The following PLEKHG3 variants were observed in gnomAD, a reference collection of about 807,000 sequenced individuals.
PLEKHG3 encodes the protein pleckstrin homology and RhoGEF domain containing G3, also known as pleckstrin homology domain-containing family G member 3.
A neutral mutation model predicts 94.9 loss-of-function variants in PLEKHG3; 62 were observed. The ratio of observed to expected loss-of-function variants is 0.65; its 90% confidence interval spans 0.53 to 0.81. The LOEUF is 0.81. Ranked by LOEUF, PLEKHG3 falls within the 30% of genes least tolerant of loss-of-function variation. The pLI, the probability that PLEKHG3 is intolerant of heterozygous loss-of-function variation, is 0.00. For synonymous variants in PLEKHG3, 614 were observed against 654.0 expected, an observed-to-expected ratio of 0.94 and a Z score of 0.93; for missense variants, 1,461 against 1,619.3, an observed-to-expected ratio of 0.90 and a Z score of 1.68.
chr14:64,739,623 G>T lies in PLEKHG3; in HGVS notation c.1518+768G>T, dbSNP rs932334316. 6.6e-6 allele frequency among the ~76,000 whole-genome samples: 1 copy of T among 152,264 alleles called. No homozygotes were observed. The highest frequency in any genetic ancestry group is 1.5e-5 in the Non-Finnish European group (1 of 68,048). On this transcript the variant is annotated intron_variant, in intron 15 of 16. Transcript: ENST00000247226. This position sits in a 1 kb window ranked among gnomAD's most constrained non-coding sequence, Gnocchi z 4.1. The stretch of plus-strand genomic sequence containing the variant: ...CTGTAACAAAATCCCTTACTGCTAC[G>T]TGGGTAGCTTAGTTATTGCTCACAG...
chr14:64,712,975 T>A (rs2081084696), intron 1 of PLEKHG3, among the ~76,000 whole-genome samples: 1 of 152,230 alleles, frequency 6.6e-6, no homozygotes, highest in Non-Finnish European at 1.5e-5. Context: ...GGGGATATTC[T>A]CTTCTCTTCC....
At position 64,749,577 on chromosome 14, in the gene PLEKHG3, GCCTCCAGGGCAAGCGGCCTGGGGT is replaced by G; in HGVS notation, c.*5881_*5904del. ...TCTTGGGACTGCCCCTTCTGAGGGGGCCTCCAGGGCAAGCGGCCTGGGGTCCTCCACCTACCCCCTTCTTAGCCA... is the reference window on the plus strand; with the variant it reads ...TCTTGGGACTGCCCCTTCTGAGGGGGCCTCCACCTACCCCCTTCTTAGCCA... On this transcript the variant is annotated 3_prime_UTR_variant, in exon 17 of 17. Transcript: ENST00000247226. The surrounding 1 kb of genome is among the most constrained non-coding windows in gnomAD (Gnocchi z 4.7). The G allele has an allele frequency of 2.5e-6, 4 of 1,607,164 alleles. No homozygotes were observed. Among genetic ancestry groups the G allele is most frequent in the South Asian group, 2.2e-5 (2 of 90,918 alleles).
At chr14:64,734,985 CAG>C (rs2081544163) in intron 12 of PLEKHG3, among the ~76,000 whole-genome samples, 1 of 152,180 alleles carries the variant, frequency 6.6e-6, no homozygotes, top group Non-Finnish European at 1.5e-5. Context: ...CTCGGCCTCA[CAG>C]AGTGCTGGGA....
intron 1 of PLEKHG3, among the ~76,000 whole-genome samples, chr14:64,712,203 G>A (rs553438758): frequency 4.6e-5 from 7 of 152,142 alleles, no homozygotes; most frequent in South Asian, 2.1e-4. Context: ...CCCTTACACC[G>A]GTACCATATA....
Position 64,738,177 on chromosome 14 carries a change from T to C in PLEKHG3, c.1405-565T>C, listed in dbSNP as rs1311654092. ...CAGCTCCCTGCTGGCCGCCCTCCAC[T>C]GCTGGCACTATCGGGCCAACGCTTT... On this transcript the variant is annotated intron_variant, in intron 14 of 16. Coordinates refer to ENST00000247226, the MANE Select transcript of PLEKHG3 (RefSeq NM_001308147.2). This position sits in a 1 kb window ranked among gnomAD's most constrained non-coding sequence, Gnocchi z 4.8. The C allele has an allele frequency of 1.9e-5, 25 of 1,291,838 alleles. No individual in the cohort carries two copies. The highest frequency in any genetic ancestry group is 2.4e-5 in the Non-Finnish European group (24 of 990,414). 80.0% of individuals were successfully genotyped at this position (1,291,838 alleles called of 1,614,324 possible). A position where few individuals can be genotyped will look rare whatever the true frequency, so the allele number is the denominator to read the frequency against.
chr14:64,719,750 C>T (rs1359598646), intron 1 of PLEKHG3, among the ~76,000 whole-genome samples: 1 of 152,064 alleles, frequency 6.6e-6, no homozygotes, highest in Non-Finnish European at 1.5e-5. Flanking sequence ...TCCTCCTACC[C>T]ACCCACCCCG....
Position 64,743,146 on chromosome 14 carries a change from G to C in PLEKHG3, c.3103G>C (p.Ala1035Pro). 1.2e-6 allele frequency: 2 copies of C among 1,611,290 alleles called. No homozygotes were observed. The highest frequency in any genetic ancestry group is 1.7e-6 in the Non-Finnish European group (2 of 1,179,848). Residue 1035 changes from alanine (A) to proline (P), a missense_variant, in exon 17 of 17, where the codon GCC becomes CCC. By Grantham distance (27) the Ala-to-Pro change is conservative. This residue lies in a region of PLEKHG3 where 1,201 missense variants were observed against 1,295.5 expected (regional missense o/e 0.93). Coordinates refer to ENST00000247226, the MANE Select transcript of PLEKHG3 (RefSeq NM_001308147.2). The surrounding 1 kb of genome is among the most constrained non-coding windows in gnomAD (Gnocchi z 7.2). The part of the protein sequence containing the change: ...RTTSPGGRPS[A>P]RSPLSPTETF... ...CACCTCGCCTGGGGGCCGGCCCTCC[G>C]CCCGGAGCCCCCTCAGCCCCACAGA...
chr14:64,709,103 T>A lies in PLEKHG3; in HGVS notation c.-40+4399T>A, dbSNP rs140810064. Among the ~76,000 whole-genome samples, 14 of 152,306 alleles carry A rather than the reference T, an allele frequency of 9.2e-5. 1 individual carries two copies. In the South Asian group the frequency reaches 1.9e-3, roughly 20 times the overall value. ...CTGTCAGCTGCCTGGGGATAAAGGT[T>A]GGCCATGCTAACTGGGTTGCTATCT... is the stretch of plus-strand genomic sequence containing the variant. On this transcript the variant is annotated intron_variant, in intron 1 of 16. Coordinates refer to ENST00000247226, the MANE Select transcript of PLEKHG3 (RefSeq NM_001308147.2).
Position 64,731,225 on chromosome 14 carries a change from G to T in PLEKHG3, c.849+56G>T, listed in dbSNP as rs865884926. 8 of 1,529,872 alleles carry T rather than the reference G, an allele frequency of 5.2e-6. No homozygotes were observed. In the Admixed American group the frequency reaches 8.6e-5, roughly 16 times the overall value. The allele number at this position is 1,529,872 out of a possible 1,614,324, so 94.8% of individuals were successfully genotyped here. A position where few individuals can be genotyped will look rare whatever the true frequency, so the allele number is the denominator to read the frequency against. Reference sequence around the variant, plus strand: ...GCAGGGCTGGGTGGGCCAGGCTTCCGCTGGGAAGAGGGACTGTGGCCACCC... The same window carrying T: ...GCAGGGCTGGGTGGGCCAGGCTTCCTCTGGGAAGAGGGACTGTGGCCACCC... On this transcript the variant is annotated intron_variant, in intron 7 of 16. Coordinates refer to ENST00000247226, the MANE Select transcript of PLEKHG3 (RefSeq NM_001308147.2). The surrounding 1 kb of genome is among the most constrained non-coding windows in gnomAD (Gnocchi z 6.1).
rs749486018 is a variant in PLEKHG3 at position 64,727,568 on chromosome 14, C to G, written c.-39-25C>G. The G allele has an allele frequency of 6.6e-6, 6 of 905,726 alleles. No individual in the cohort carries two copies. The highest frequency in any genetic ancestry group is 3.3e-5 in the African/African-American group (2 of 61,126). The allele number at this position is 905,726 out of a possible 1,614,324, so 56.1% of individuals were successfully genotyped here. A position where few individuals can be genotyped will look rare whatever the true frequency, so the allele number is the denominator to read the frequency against. ...TTTCTGTGGGCATTCAGAGGTTGAC[C>G]CTTCATCTGTCTGTCTTGTTGCAGA... is the stretch of plus-strand genomic sequence containing the variant. On this transcript the variant is annotated intron_variant, in intron 1 of 16. Transcript: ENST00000247226. The surrounding 1 kb of genome is among the most constrained non-coding windows in gnomAD (Gnocchi z 6.0).
At position 64,736,558 on chromosome 14, in the gene PLEKHG3, G is replaced by A. The variant is rs113158249; in HGVS notation, c.1346-295G>A. 2.3e-4 allele frequency among the ~76,000 whole-genome samples: 35 copies of A among 152,278 alleles called. 1 individual carries two copies. In the East Asian group the frequency reaches 3.9e-3, roughly 17 times the overall value. On this transcript the variant is annotated intron_variant, in intron 12 of 16. Transcript: ENST00000247226. ...TGAGTCCCCTCCCTATGGCTCCTGC[G>A]CGAGGGCCCTGGGCCAGGTGCCCTA...
rs1475929589 is a variant in PLEKHG3, at chr14:64,720,864, C to CA, written c.-39-6729_-39-6728insA. On this transcript the variant is annotated intron_variant, in intron 1 of 16. Coordinates refer to ENST00000247226, the MANE Select transcript of PLEKHG3 (RefSeq NM_001308147.2). The surrounding 1 kb of genome is among the most constrained non-coding windows in gnomAD (Gnocchi z 4.1). ...GCTGCCTGTATCCTTGGCTTGTGGC[C>CA]CCTTCCTCCATCTTCAAAGCCAGCA... 3.3e-5 allele frequency among the ~76,000 whole-genome samples: 5 copies of CA among 152,140 alleles called. No individual in the cohort carries two copies. The highest frequency in any genetic ancestry group is 6.5e-5 in the Admixed American group (1 of 15,274).
At position 64,732,877 on chromosome 14, in the gene PLEKHG3, G is replaced by A. The variant is rs757456321; in HGVS notation, c.1321G>A (p.Val441Met). The change falls in exon 12 of 17, where the codon GTG becomes ATG. Residue 441 changes from valine (V) to methionine (M), a missense_variant. Val to Met is a conservative substitution (Grantham distance 21, BLOSUM62 1). Around this residue, in one of 3 missense-constraint regions of PLEKHG3, gnomAD observed 1,201 missense variants for 1,295.5 expected, o/e 0.93. Transcript: ENST00000247226. This position sits in a 1 kb window ranked among gnomAD's most constrained non-coding sequence, Gnocchi z 4.9. The part of the protein sequence containing the change: ...WSSQDEVSTN[V>M]RQGRRQSEPT... ...CTCCCAGGATGAGGTGTCCACCAATGTGCGCCAGGGGCGCCGGCAATCTGG... is the reference window on the plus strand; with the variant it reads ...CTCCCAGGATGAGGTGTCCACCAATATGCGCCAGGGGCGCCGGCAATCTGG... 1.2e-6 allele frequency: 2 copies of A among 1,608,948 alleles called. No homozygotes were observed. The highest frequency in any genetic ancestry group is 4.5e-5 in the East Asian group (2 of 44,734).
chr14:64,724,697 G>T (rs2139375771), intron 1 of PLEKHG3, among the ~76,000 whole-genome samples: 1 of 152,308 alleles, frequency 6.6e-6, no homozygotes, highest in Admixed American at 6.5e-5. Flanking sequence ...TATGTCCCCT[G>T]CAGCTTATGC....
intron 1 of PLEKHG3, among the ~76,000 whole-genome samples, chr14:64,706,914 G>C (rs957823566): frequency 6.6e-6 from 1 of 152,240 alleles, no homozygotes; most frequent in African/African-American, 2.4e-5. Flanking sequence ...CCCTGGCCTT[G>C]GAGGGTTAAA....
rs58480790 is a variant in PLEKHG3 at position 64,716,496 on chromosome 14, AACACACACACACACAC to A, written c.-39-11057_-39-11042del. On this transcript the variant is annotated intron_variant, in intron 1 of 16. Transcript: ENST00000247226. The surrounding 1 kb of genome is among the most constrained non-coding windows in gnomAD (Gnocchi z 5.0). ...ACACACACACAACACACACACACAC[AACACACACACACACAC>A]ACACACACACACACACACACACACA... 2.1e-3 allele frequency among the ~76,000 whole-genome samples: 167 copies of A among 79,524 alleles called. No individual in the cohort carries two copies. The highest frequency in any genetic ancestry group is 6.4e-3 in the African/African-American group (125 of 19,642). 52.2% of individuals were successfully genotyped at this position (79,524 alleles called of 152,430 possible).
At position 64,747,278 on chromosome 14, in the gene PLEKHG3, A is replaced by G. The variant is rs2081861542; in HGVS notation, c.*3575A>G. The G allele has an allele frequency of 6.6e-6, 1 of 152,574 alleles. No homozygotes were observed. Among genetic ancestry groups the G allele is most frequent in the African/African-American group, 2.4e-5 (1 of 41,446 alleles). 9.5% of individuals were successfully genotyped at this position (152,574 alleles called of 1,614,324 possible). Reference sequence around the variant, plus strand: ...ACAGTTGAGGGAGATGTTTGCCACCATCTGCCCTTCAGCAAGGAACCTGCT... The same window carrying G: ...ACAGTTGAGGGAGATGTTTGCCACCGTCTGCCCTTCAGCAAGGAACCTGCT... On this transcript the variant is annotated 3_prime_UTR_variant, in exon 17 of 17. Transcript: ENST00000247226.
At position 64,737,355 on chromosome 14, in the gene PLEKHG3, G is replaced by C. The variant is rs767471388; in HGVS notation, c.1385-1G>C. ...GGGGGACCCGGTGGTGATGTCTGCA[G>C]CCCGAGCAGCAGGAATGAAGGTAAA... On this transcript the variant is annotated splice_acceptor_variant, in intron 13 of 16. Transcript: ENST00000247226. LOFTEE classifies it high-confidence loss of function. 2 of 1,602,700 alleles carry C rather than the reference G, an allele frequency of 1.2e-6. No homozygotes were observed. Among genetic ancestry groups the C allele is most frequent in the African/African-American group, 2.7e-5 (2 of 74,470 alleles).
rs542224656 is a variant in PLEKHG3, at chr14:64,737,791, C to G, written c.1404+416C>G. 287 of 811,724 alleles carry G rather than the reference C, an allele frequency of 3.5e-4. 1 individual carries two copies. The highest frequency in any genetic ancestry group is 3.2e-3 in the South Asian group (162 of 50,614). The allele number at this position is 811,724 out of a possible 1,614,324, so 50.3% of individuals were successfully genotyped here. ...GCTTTCTGTGTGAAGGCTCCCCCCC[C>G]GCAGCTGCCTGCAGGAGGACGGGAG... On this transcript the variant is annotated intron_variant, in intron 14 of 16. Coordinates refer to ENST00000247226, the MANE Select transcript of PLEKHG3 (RefSeq NM_001308147.2).
Sources: gnomAD v4.1 joint callset for allele counts (sites outside exome capture counted in the v4.1 genomes callset) on GRCh38, gnomAD v4.1.1 for gene constraint, gnomAD v4.1.1 regional missense constraint, Gnocchi (gnomAD v3.1) non-coding constraint, MANE v1.5 for transcripts, NCBI Gene and HGNC (gene_info 2026-07-23, HGNC 2026-07-21) for gene names.